CYP2J2: variants seen among roughly 807,000 people sequenced by gnomAD.
CYP2J2 encodes cytochrome P450 2J2.
Under a neutral mutation model 48.8 loss-of-function variants are expected in CYP2J2, and 41 were observed. The observed-to-expected ratio is 0.84, with a 90% CI of 0.66 to 1.09. The LOEUF (loss-of-function observed/expected upper bound fraction) is 1.09. CYP2J2 is among the 50% of genes least tolerant of loss of function. CYP2J2 has a pLI of 0.00. For synonymous variants in CYP2J2, 221 were observed against 227.1 expected, an observed-to-expected ratio of 0.97 and a Z score of 0.24; for missense variants, 644 against 617.3, an observed-to-expected ratio of 1.04 and a Z score of -0.46.
At chr1:59,909,015 T>G (rs1339819724) in intron 5 of CYP2J2, among the ~76,000 whole-genome samples, 1 of 152,126 alleles carries the variant, frequency 6.6e-6, no homozygotes, top group African/African-American at 2.4e-5. Context: ...AGAACAGAGC[T>G]TTGAGGATTA....
chr1:59,895,572 C>A (rs1441996766), intron 8 of CYP2J2, among the ~76,000 whole-genome samples: 1 of 152,162 alleles, frequency 6.6e-6, no homozygotes, highest in Non-Finnish European at 1.5e-5. Flanking sequence ...TGTCAACAAA[C>A]CATTCTCATT....
rs113752597 is a variant in CYP2J2 at position 59,921,563 on chromosome 1, T to C, written c.210+4974A>G. 2.6e-3 allele frequency among the ~76,000 whole-genome samples: 402 copies of C among 152,114 alleles called. 1 individual carries two copies. The highest frequency in any genetic ancestry group is 9.1e-3 in the African/African-American group (379 of 41,514). On this transcript the variant is annotated intron_variant, in intron 1 of 8. Coordinates refer to ENST00000371204, the MANE Select transcript of CYP2J2 (RefSeq NM_000775.4). ...ACCTGTTCACATGGATAAGATAGGG[T>C]TATAAACGCCCTTATCTTGCCACGG...
chr1:59,941,692 C>T, the CYP2J2 span, among the ~76,000 whole-genome samples: 2 of 151,960 alleles, frequency 1.3e-5, no homozygotes, highest in Non-Finnish European at 2.9e-5. Flanking sequence ...GATTCTGACC[C>T]TGTGTAGGCC....
At chr1:59,963,777 G>A in the CYP2J2 span, among the ~76,000 whole-genome samples, 1 of 152,070 alleles carries the variant, frequency 6.6e-6, no homozygotes, top group South Asian at 2.1e-4. Flanking sequence ...ATCAGGTCCT[G>A]GAAAAACAAC....
chr1:59,924,180 T>C (rs752949006), intron 1 of CYP2J2, among the ~76,000 whole-genome samples: 8 of 152,164 alleles, frequency 5.3e-5, no homozygotes, highest in Non-Finnish European at 8.8e-5. Context: ...AAAGGAATTG[T>C]CAACCTAGAA....
chr1:59,897,375 A>G (rs1003619097), intron 8 of CYP2J2, among the ~76,000 whole-genome samples: 1 of 152,146 alleles, frequency 6.6e-6, no homozygotes, highest in Non-Finnish European at 1.5e-5. Flanking sequence ...AACTTATCTC[A>G]TTTGTCACAT....
the CYP2J2 span, among the ~76,000 whole-genome samples, chr1:59,959,381 C>T: frequency 2.5e-4 from 38 of 150,640 alleles, 1 homozygote; most frequent in African/African-American, 6.8e-4. Flanking sequence ...AGTAGATCTG[C>T]TATTTGATCC....
chr1:59,957,632 C>A, the CYP2J2 span, among the ~76,000 whole-genome samples: 1 of 151,844 alleles, frequency 6.6e-6, no homozygotes, highest in Non-Finnish European at 1.5e-5. Context: ...CCTTCTTAGC[C>A]ATGATAAACA....
At chr1:59,928,546 GA>G (rs1041077283), upstream of CYP2J2, among the ~76,000 whole-genome samples, 5 of 152,250 alleles carry the variant, frequency 3.3e-5, no homozygotes, top group East Asian at 9.7e-4. Context: ...CCCTGAGATG[GA>G]AAAACTGCCA....
the CYP2J2 span, among the ~76,000 whole-genome samples, chr1:59,960,515 A>AC: frequency 6.6e-6 from 1 of 152,228 alleles, no homozygotes; most frequent in Non-Finnish European, 1.5e-5. Context: ...ATACCCAGAG[A>AC]CTAGAGCAAG....
At chr1:59,960,937 A>G in the CYP2J2 span, among the ~76,000 whole-genome samples, 1 of 152,194 alleles carries the variant, frequency 6.6e-6, no homozygotes, top group East Asian at 1.9e-4. Flanking sequence ...CTGGATATCC[A>G]TAAGAAAAAG....
chr1:59,958,555 G>A, the CYP2J2 span, among the ~76,000 whole-genome samples: 634 of 152,122 alleles, frequency 4.2e-3, 3 homozygotes, highest in African/African-American at 0.015. Flanking sequence ...CCAGTTCTCC[G>A]GAAGCCCCAG....
At chr1:59,937,661 A>C in the CYP2J2 span, among the ~76,000 whole-genome samples, 1 of 151,996 alleles carries the variant, frequency 6.6e-6, no homozygotes, top group African/African-American at 2.4e-5. Flanking sequence ...TTCTACCCCT[A>C]TCTCTTTCTC....
intron 1 of CYP2J2, among the ~76,000 whole-genome samples, chr1:59,918,480 T>C (rs902333257): frequency 1.3e-5 from 2 of 152,180 alleles, no homozygotes; most frequent in African/African-American, 4.8e-5. Context: ...AAAACTTGTA[T>C]GGTATTATCA....
upstream of CYP2J2, among the ~76,000 whole-genome samples, chr1:59,930,154 G>A: frequency 6.6e-6 from 1 of 152,194 alleles, no homozygotes; most frequent in East Asian, 1.9e-4. Context: ...TCAGAAAACT[G>A]TTAACCCACT....
chr1:59,929,790 T>C (rs1388236625), upstream of CYP2J2, among the ~76,000 whole-genome samples: 1 of 152,128 alleles, frequency 6.6e-6, no homozygotes, highest in African/African-American at 2.4e-5. Context: ...CACACCAGCA[T>C]ATATGTAATC....
chr1:59,944,170 T>C, the CYP2J2 span, among the ~76,000 whole-genome samples: 1 of 152,210 alleles, frequency 6.6e-6, no homozygotes, highest in Admixed American at 6.5e-5. Flanking sequence ...ATTGGTATTG[T>C]GTCTAGCTGT....
At chr1:59,906,667 A>G (rs892400981) in intron 6 of CYP2J2, among the ~76,000 whole-genome samples, 17 of 152,140 alleles carry the variant, frequency 1.1e-4, no homozygotes, top group Non-Finnish European at 2.9e-5. Flanking sequence ...GCCTCTGGCC[A>G]CCACCATTCT....
chr1:59,935,509 T>G, the CYP2J2 span, among the ~76,000 whole-genome samples: 1 of 152,204 alleles, frequency 6.6e-6, no homozygotes, highest in South Asian at 2.1e-4. Flanking sequence ...AGCATCACAT[T>G]GTTCACCTTG....
Sources: allele counts gnomAD v4.1 joint callset (sites outside exome capture counted in the v4.1 genomes callset), GRCh38; gene constraint gnomAD v4.1.1; transcripts MANE v1.5; gene names NCBI Gene and HGNC (gene_info 2026-07-23, HGNC 2026-07-21).